The following COL5A1 variants were observed in gnomAD, a reference collection of about 807,000 sequenced individuals.
The protein encoded by COL5A1 is collagen type V alpha 1 chain.
In COL5A1, 16 loss-of-function variants were observed where a neutral mutation model predicts 263.7. The ratio of observed to expected loss-of-function variants is 0.06; its 90% confidence interval spans 0.04 to 0.09. COL5A1 has a LOEUF of 0.09. COL5A1 is among the 10% of genes least tolerant of loss of function. The pLI is 1.00. For missense variants in COL5A1, 2,036 were observed against 2,540.5 expected, an observed-to-expected ratio of 0.80 and a Z score of 4.27; for synonymous variants, 1,012 against 1,004.5, an observed-to-expected ratio of 1.01 and a Z score of -0.14.
At chr9:134,764,067 G>GAGGGTCTGAGGGCATCGTGGT (rs1836565523) in intron 20 of COL5A1, among the ~76,000 whole-genome samples, 1 of 146,216 alleles carries the variant, frequency 6.8e-6, no homozygotes, top group Non-Finnish European at 1.5e-5. Context: ...GGGCATTGTG[G>GAGGGTCTGAGGGCATCGTGGT]AGGGTCTGAG....
chr9:134,839,724 G>A (rs1433898569), intron 65 of COL5A1, among the ~76,000 whole-genome samples: 5 of 152,218 alleles, frequency 3.3e-5, no homozygotes, highest in South Asian at 2.1e-4. Flanking sequence ...CTGGCTCCTC[G>A]CCGGTGGGGA....
intron 2 of COL5A1, among the ~76,000 whole-genome samples, chr9:134,695,564 A>G (rs959692009): frequency 1.3e-5 from 2 of 151,928 alleles, no homozygotes; most frequent in Non-Finnish European, 2.9e-5. Flanking sequence ...GGCTTTGCAG[A>G]CCCTCTACTC....
Position 134,789,366 on chromosome 9 carries a change from G to A in COL5A1, c.2700+158G>A, listed in dbSNP as rs1837591179. Among the ~76,000 whole-genome samples the A allele has an allele frequency of 6.6e-6, 1 of 152,254 alleles. No individual in the cohort carries two copies. The highest frequency in any genetic ancestry group is 2.1e-4 in the South Asian group (1 of 4,808). On this transcript the variant is annotated intron_variant, in intron 32 of 65. Coordinates refer to ENST00000371817, the MANE Select transcript of COL5A1 (RefSeq NM_000093.5). The surrounding 1 kb of genome is among the most constrained non-coding windows in gnomAD (Gnocchi z 4.8). Reference sequence around the variant, plus strand: ...TTAAGCTCTTGAACTTCAGCACCACGTGTTGGTGACACTCTCCAGACGCTG... The same window carrying A: ...TTAAGCTCTTGAACTTCAGCACCACATGTTGGTGACACTCTCCAGACGCTG...
At chr9:134,697,496 C>G (rs1254364981) in intron 2 of COL5A1, among the ~76,000 whole-genome samples, 1 of 152,088 alleles carries the variant, frequency 6.6e-6, no homozygotes, top group Admixed American at 6.6e-5. Flanking sequence ...CTCTGGCACT[C>G]AGGGTGGCGG....
intron 4 of COL5A1, among the ~76,000 whole-genome samples, 197 bp downstream of exon 4, chr9:134,701,530 G>T (rs944305138): frequency 6.6e-6 from 1 of 152,362 alleles, no homozygotes; most frequent in African/African-American, 2.4e-5. Context: ...GGCCAGAGCT[G>T]CTGCCGCCTG....
intron 1 of COL5A1, among the ~76,000 whole-genome samples, chr9:134,690,484 C>G (rs1383629420): frequency 1.3e-5 from 2 of 152,230 alleles, no homozygotes; most frequent in Non-Finnish European, 1.5e-5. Flanking sequence ...GGCCTTCCAG[C>G]ATCTGCCTGG....
intron 25 of COL5A1, among the ~76,000 whole-genome samples, chr9:134,771,650 T>C (rs1466749013): frequency 2.6e-5 from 4 of 152,212 alleles, no homozygotes; most frequent in South Asian, 2.1e-4. Context: ...TGCTACTGTG[T>C]CTAGAAAGAG....
intron 25 of COL5A1, among the ~76,000 whole-genome samples, chr9:134,770,622 C>T (rs926277467): frequency 3.3e-5 from 5 of 152,200 alleles, no homozygotes; most frequent in East Asian, 3.8e-4. Flanking sequence ...ACAGCCACTC[C>T]GAGTGGTGAG....
At chr9:134,717,474 G>C (rs1564408266) in intron 4 of COL5A1, among the ~76,000 whole-genome samples, 1 of 152,218 alleles carries the variant, frequency 6.6e-6, no homozygotes, top group Non-Finnish European at 1.5e-5. Flanking sequence ...CAGCCAGCAA[G>C]GGGCAGGATT....
chr9:134,817,882 GC>G, intron 54 of COL5A1, 51 bp downstream of exon 54: 2 of 1,540,312 alleles, frequency 1.3e-6, no homozygotes, highest in Non-Finnish European at 1.8e-6. Flanking sequence ...CCCCAGGGGA[GC>G]CCAGAGGGTG....
intron 65 of COL5A1, among the ~76,000 whole-genome samples, chr9:134,837,083 G>A (rs1312394857): frequency 6.6e-6 from 1 of 152,218 alleles, no homozygotes; most frequent in Non-Finnish European, 1.5e-5. Flanking sequence ...GCTCGGAATC[G>A]TGTCTGACCC....
chr9:134,750,288 C>A (rs1158367465), intron 11 of COL5A1, among the ~76,000 whole-genome samples: 4 of 152,194 alleles, frequency 2.6e-5, no homozygotes. Context: ...CTCTGGATTT[C>A]TCTATATCCA....
chr9:134,654,466 G>T (rs1434696098), intron 1 of COL5A1, among the ~76,000 whole-genome samples: 7 of 127,526 alleles, frequency 5.5e-5, no homozygotes, highest in South Asian at 2.9e-4. Flanking sequence ...GTGTAGGGCT[G>T]GAGGTGTGTA....
chr9:134,798,511 C>G (rs759949155), intron 37 of COL5A1, 50 bp downstream of exon 37: 3 of 1,568,210 alleles, frequency 1.9e-6, no homozygotes, highest in Non-Finnish European at 2.6e-6. Flanking sequence ...CTCTGACCAC[C>G]CTGCACGTGG....
At chr9:134,761,590 C>T (rs565178579) in intron 18 of COL5A1, among the ~76,000 whole-genome samples, 1 of 152,236 alleles carries the variant, frequency 6.6e-6, no homozygotes, top group Non-Finnish European at 1.5e-5. Flanking sequence ...CGTGAGGCTG[C>T]TTCACCTGGA....
At chr9:134,654,328 TG>T (rs1588405803) in intron 1 of COL5A1, among the ~76,000 whole-genome samples, 2 of 36,624 alleles carry the variant, frequency 5.5e-5, no homozygotes, top group Non-Finnish European at 5.3e-5. Flanking sequence ...AGGGCTGGGG[TG>T]TGTGTAGGGC....
rs145913121 is a variant in COL5A1 at position 134,678,422 on chromosome 9, A to G, written c.110-12490A>G. ...ATGGTGCCCAGGGTCCAGTCCCCCA[A>G]CAACAGGCTCATTGCAGTGGCCTGC... On this transcript the variant is annotated intron_variant, in intron 1 of 65. Transcript: ENST00000371817. This position sits in a 1 kb window ranked among gnomAD's most constrained non-coding sequence, Gnocchi z 5.5. Among the ~76,000 whole-genome samples, 854 of 152,276 alleles carry G rather than the reference A, an allele frequency of 5.6e-3. 8 individuals carry two copies. The highest frequency in any genetic ancestry group is 0.019 in the African/African-American group (799 of 41,560).
chr9:134,708,356 C>A, intron 4 of COL5A1: 1 of 333,266 alleles, frequency 3.0e-6, no homozygotes, highest in East Asian at 8.4e-5. Flanking sequence ...CCTCCCGAGT[C>A]CTGGCCCAAG....
At chr9:134,810,542 C>A in intron 44 of COL5A1, 1 of 546,340 alleles carries the variant, frequency 1.8e-6, no homozygotes, top group Non-Finnish European at 3.3e-6. Flanking sequence ...ACCGGTTTTG[C>A]GAAATTAAAT....
Sources: allele counts gnomAD v4.1 joint callset (sites outside exome capture counted in the v4.1 genomes callset), GRCh38; gene constraint gnomAD v4.1.1; non-coding constraint Gnocchi (gnomAD v3.1); transcripts MANE v1.5; gene names NCBI Gene and HGNC (gene_info 2026-07-23, HGNC 2026-07-21).